Variants in PALM2AKAP2 observed in about 807,000 individuals in gnomAD.
PALM2AKAP2 encodes PALM2-AKAP2 fusion protein.
Under a neutral mutation model 71.5 loss-of-function variants are expected in PALM2AKAP2, and 37 were observed. The observed-to-expected ratio is 0.52, with a 90% confidence interval of 0.40 to 0.68. PALM2AKAP2 has a LOEUF of 0.68. Ranked by LOEUF, PALM2AKAP2 falls within the 30% of genes least tolerant of loss-of-function variation. The pLI is 0.00. For missense variants in PALM2AKAP2, 1,224 were observed against 1,191.8 expected (o/e 1.03, Z -0.40); for synonymous variants, 468 against 478.8 (o/e 0.98, Z 0.29).
Position 110,064,116 on chromosome 9 carries a change from G to A in PALM2AKAP2, c.156+15261G>A, listed in dbSNP as rs142970176. Among the ~76,000 whole-genome samples the A allele has an allele frequency of 1.5e-3, 235 of 152,274 alleles. 3 individuals are homozygous for A. In the South Asian group the frequency reaches 0.045, roughly 29 times the overall value. On this transcript the variant is annotated intron_variant, in intron 1 of 3. Coordinates refer to ENST00000374525, the Ensembl canonical transcript of PALM2AKAP2. ...TTTTCTAGAACACCTTGCAAATCTTGTTGATGGCTTAGATGTTTACAAAAC... is the reference window on the plus strand; with the variant it reads ...TTTTCTAGAACACCTTGCAAATCTTATTGATGGCTTAGATGTTTACAAAAC...
At chr9:110,079,185 G>T (rs896343568) in intron 1 of PALM2AKAP2, among the ~76,000 whole-genome samples, 2 of 152,068 alleles carry the variant, frequency 1.3e-5, no homozygotes, top group African/African-American at 4.8e-5. Context: ...TATCTTTCTG[G>T]TATACAGTGA....
chr9:109,763,209 G>A (rs7028330), intron 1 of PALM2AKAP2, among the ~76,000 whole-genome samples: 31,880 of 151,942 alleles, frequency 0.21, 3,539 homozygotes, highest in Admixed American at 0.23. Context: ...CTCAGAGGGC[G>A]GAGGGACCAC....
intron 4 of PALM2AKAP2, 40 bp from the exon 5 acceptor site, chr9:109,925,021 A>T (rs769146508): frequency 2.0e-5 from 33 of 1,614,050 alleles, no homozygotes; most frequent in Non-Finnish European, 1.9e-5. Flanking sequence ...TTGTACCCCC[A>T]CATGTAGAGT....
chr9:109,731,469 C>G (rs1227948328), intron 1 of PALM2AKAP2, among the ~76,000 whole-genome samples: 1 of 152,136 alleles, frequency 6.6e-6, no homozygotes, highest in Non-Finnish European at 1.5e-5. Context: ...ACACAATCAC[C>G]TTTTGAATCC....
At position 109,819,481 on chromosome 9, in the gene PALM2AKAP2, G is replaced by A. The variant is rs535940467; in HGVS notation, c.45+38948G>A. On this transcript the variant is annotated intron_variant, in intron 1 of 9. Coordinates refer to the PALM2AKAP2 transcript ENST00000302798. ...AACTCTTTTCTAGGTTCTCAGGTTA[G>A]GGAATGAGATTTTGACGTGGCCAAT... Among the ~76,000 whole-genome samples the A allele has an allele frequency of 7.2e-5, 11 of 152,268 alleles. No individual in the cohort carries two copies. The South Asian group carries it at 1.0e-3, about 14-fold the overall frequency.
chr9:109,724,764 G>T (rs1235719709), intron 1 of PALM2AKAP2, among the ~76,000 whole-genome samples: 1 of 152,092 alleles, frequency 6.6e-6, no homozygotes, highest in East Asian at 1.9e-4. Flanking sequence ...TTTCAGAGCT[G>T]GTGAGTGACA....
At chr9:109,926,976 A>G (rs1830971084) in intron 5 of PALM2AKAP2, among the ~76,000 whole-genome samples, 1 of 152,180 alleles carries the variant, frequency 6.6e-6, no homozygotes, top group African/African-American at 2.4e-5. Flanking sequence ...GCCTAGTCAT[A>G]ACTGAAAAGA....
Position 109,694,056 on chromosome 9 carries a change from G to A in PALM2AKAP2, c.5+53190G>A, listed in dbSNP as rs117703220. Among the ~76,000 whole-genome samples, 107 of 151,918 alleles carry A rather than the reference G, an allele frequency of 7.0e-4. 2 individuals are homozygous for A. The East Asian group carries it at 0.019, about 27-fold the overall frequency. ...TCTCCCCCTTCCCCACCGTACAATT[G>A]GAATGTATACTCTGTGAGGGCAGGA... is the stretch of plus-strand genomic sequence containing the variant. On this transcript the variant is annotated intron_variant, in intron 1 of 6. Coordinates refer to the PALM2AKAP2 transcript ENST00000374531.
chr9:109,933,834 T>C (rs1831163457), intron 6 of PALM2AKAP2, among the ~76,000 whole-genome samples: 1 of 152,214 alleles, frequency 6.6e-6, no homozygotes, highest in Non-Finnish European at 1.5e-5. Context: ...TACGATGAAC[T>C]CCTTTGTCCA....
chr9:110,130,723 C>G (rs1245727509), intron 1 of PALM2AKAP2, among the ~76,000 whole-genome samples: 2 of 152,138 alleles, frequency 1.3e-5, no homozygotes, highest in African/African-American at 4.8e-5. Flanking sequence ...AACCGAAGTC[C>G]CCTGAGCCAA....
chr9:109,697,507 T>C (rs182351594), intron 1 of PALM2AKAP2, among the ~76,000 whole-genome samples: 1 of 152,158 alleles, frequency 6.6e-6, no homozygotes, highest in Non-Finnish European at 1.5e-5. Flanking sequence ...ATTTCAACAG[T>C]GGTAAAAAAG....
Position 109,691,901 on chromosome 9 carries a change from TACAC to T in PALM2AKAP2, c.5+51043_5+51046del, listed in dbSNP as rs749405717. Among the ~76,000 whole-genome samples the T allele has an allele frequency of 1.6e-4, 10 of 61,476 alleles. 1 individual carries two copies. The highest frequency in any genetic ancestry group is 2.2e-4 in the Non-Finnish European group (7 of 32,308). 40.3% of individuals were successfully genotyped at this position (61,476 alleles called of 152,430 possible). On this transcript the variant is annotated intron_variant, in intron 1 of 6. Coordinates refer to the PALM2AKAP2 transcript ENST00000374531. ...ACACACATATATATATATATATATA[TACAC>T]ACACACATATATATATATACACATA...
intron 1 of PALM2AKAP2, among the ~76,000 whole-genome samples, chr9:109,800,671 A>C (rs1229533755): frequency 6.6e-6 from 1 of 152,220 alleles, no homozygotes; most frequent in African/African-American, 2.4e-5. Context: ...AGTAGCGTCT[A>C]CCTGTCATCT....
At chr9:110,081,640 G>A (rs1834451167) in intron 1 of PALM2AKAP2, among the ~76,000 whole-genome samples, 1 of 152,072 alleles carries the variant, frequency 6.6e-6, no homozygotes, top group Middle Eastern at 3.2e-3. Flanking sequence ...CCCAGCACCC[G>A]CTTCCCAAAG....
chr9:109,761,061 C>G (rs1267272689), intron 1 of PALM2AKAP2, among the ~76,000 whole-genome samples: 1 of 152,178 alleles, frequency 6.6e-6, no homozygotes, highest in South Asian at 2.1e-4. Flanking sequence ...AGGTAACCTT[C>G]AGCTAATCAT....
At chr9:110,095,220 G>C (rs1271077315) in intron 1 of PALM2AKAP2, among the ~76,000 whole-genome samples, 1 of 152,186 alleles carries the variant, frequency 6.6e-6, no homozygotes, top group African/African-American at 2.4e-5. Flanking sequence ...CTAGGAACAA[G>C]GGACTGCCAG....
intron 1 of PALM2AKAP2, among the ~76,000 whole-genome samples, chr9:109,852,848 C>A (rs1205951512): frequency 6.6e-6 from 1 of 152,108 alleles, no homozygotes; most frequent in Non-Finnish European, 1.5e-5. Context: ...AGTGTCTGTT[C>A]ATGTCCCTTG....
At chr9:109,768,882 G>A (rs1056335451) in intron 1 of PALM2AKAP2, among the ~76,000 whole-genome samples, 5 of 152,162 alleles carry the variant, frequency 3.3e-5, no homozygotes, top group African/African-American at 1.2e-4. Flanking sequence ...CACTTCAGGA[G>A]GCCAAGGTGG....
chr9:109,849,566 G>A (rs960261462), intron 1 of PALM2AKAP2, among the ~76,000 whole-genome samples: 1 of 152,052 alleles, frequency 6.6e-6, no homozygotes. Flanking sequence ...TGGCCAACAT[G>A]GTGAAACTCC....
Sources: gnomAD v4.1 joint callset for allele counts (sites outside exome capture counted in the v4.1 genomes callset) on GRCh38, gnomAD v4.1.1 for gene constraint, MANE v1.5 for transcripts, NCBI Gene and HGNC (gene_info 2026-07-23, HGNC 2026-07-21) for gene names.